The following NEURL1 variants were observed in gnomAD, a reference collection of about 807,000 sequenced individuals.
NEURL1 encodes E3 ubiquitin-protein ligase NEURL1.
NEURL1 carries 26 observed loss-of-function variants against 41.2 expected under a neutral mutation model. That is an observed-to-expected ratio of 0.63 (90% CI 0.46 to 0.87). NEURL1 has a LOEUF of 0.87. Ranked by LOEUF, NEURL1 falls within the 40% of genes least tolerant of loss-of-function variation. The pLI is 0.00. For synonymous variants in NEURL1, 400 were observed against 402.3 expected, an observed-to-expected ratio of 0.99 and a Z score of 0.07; for missense variants, 761 against 871.1, an observed-to-expected ratio of 0.87 and a Z score of 1.59.
intron 3 of NEURL1, among the ~76,000 whole-genome samples, chr10:103,574,989 A>T (rs1458595075): frequency 2.1e-5 from 3 of 145,156 alleles, no homozygotes; most frequent in South Asian, 2.2e-4. Flanking sequence ...TTCTTCCTGA[A>T]TTTTTTTTTT....
rs56098530 is a variant in NEURL1, at chr10:103,503,788, C to CTTTTTTTT, written c.85+9329_85+9336dup. Among the ~76,000 whole-genome samples the CTTTTTTTT allele has an allele frequency of 2.1e-4, 23 of 110,586 alleles. 10 individuals are homozygous for CTTTTTTTT. Among genetic ancestry groups the CTTTTTTTT allele is most frequent in the Non-Finnish European group, 3.1e-4 (18 of 57,744 alleles). The allele number at this position is 110,586 out of a possible 152,430, so 72.5% of individuals were successfully genotyped here. A position where few individuals can be genotyped will look rare whatever the true frequency, so the allele number is the denominator to read the frequency against. On this transcript the variant is annotated intron_variant, in intron 1 of 5. Coordinates refer to ENST00000369780, the MANE Select transcript of NEURL1 (RefSeq NM_004210.5). ...AGAGCTCATGCTGTGCTCCCCCTGG[C>CTTTTTTTT]TTTTTTTTTTTTTTTTTTTTGAGAC...
intron 1 of NEURL1, among the ~76,000 whole-genome samples, chr10:103,563,909 T>C (rs921330495): frequency 1.3e-5 from 2 of 152,154 alleles, no homozygotes; most frequent in African/African-American, 2.4e-5. Context: ...CAGAGTGGCA[T>C]TGGGGGCATA....
chr10:103,512,520 G>C (rs2034096492), intron 1 of NEURL1, among the ~76,000 whole-genome samples: 1 of 152,212 alleles, frequency 6.6e-6, no homozygotes, highest in Non-Finnish European at 1.5e-5. Context: ...GAACTGGCTG[G>C]GTGAGGTGGT....
rs2035160350 is a variant in NEURL1, at chr10:103,556,585, G to C, written c.86-14287G>C. On this transcript the variant is annotated intron_variant, in intron 1 of 5. Transcript: ENST00000369780. The surrounding 1 kb of genome is among the most constrained non-coding windows in gnomAD (Gnocchi z 4.4). ...TCTCCCTTCCAGGCTCTGGACTTTGGGAGAGTAATTTCTAATTAAAAAAGA... is the reference window on the plus strand; with the variant it reads ...TCTCCCTTCCAGGCTCTGGACTTTGCGAGAGTAATTTCTAATTAAAAAAGA... Among the ~76,000 whole-genome samples, 1 of 152,278 alleles carries C rather than the reference G, an allele frequency of 6.6e-6. No individual in the cohort carries two copies. The highest frequency in any genetic ancestry group is 2.1e-4 in the South Asian group (1 of 4,824).
At chr10:103,573,459 A>G (rs2035591546) in intron 3 of NEURL1, among the ~76,000 whole-genome samples, 1 of 152,126 alleles carries the variant, frequency 6.6e-6, no homozygotes, top group African/African-American at 2.4e-5. Flanking sequence ...CAGCTGATGC[A>G]CAGTAGGGGG....
chr10:103,585,304 T>C, intron 4 of NEURL1, 79 bp downstream of exon 4: 3 of 1,228,190 alleles, frequency 2.4e-6, no homozygotes, highest in Non-Finnish European at 3.3e-6. Context: ...AAGGGCGAGC[T>C]CCCCTTCCTC....
At chr10:103,549,304 C>A (rs931339785) in intron 1 of NEURL1, among the ~76,000 whole-genome samples, 4 of 152,190 alleles carry the variant, frequency 2.6e-5, no homozygotes, top group Non-Finnish European at 5.9e-5. Flanking sequence ...TCCTCCTGGG[C>A]GGCTGGCAGC....
At chr10:103,570,391 A>G (rs1172947585) in intron 1 of NEURL1, among the ~76,000 whole-genome samples, 5 of 152,204 alleles carry the variant, frequency 3.3e-5, no homozygotes, top group African/African-American at 1.2e-4. Context: ...AGCCCCGAGG[A>G]CAGGATCCAT....
chr10:103,578,418 T>G (rs2035712268), intron 3 of NEURL1, among the ~76,000 whole-genome samples: 1 of 152,184 alleles, frequency 6.6e-6, no homozygotes, highest in Admixed American at 6.5e-5. Flanking sequence ...TGGAACAAGA[T>G]CTGTGCTTCT....
At chr10:103,522,398 G>A (rs2034370431) in intron 1 of NEURL1, among the ~76,000 whole-genome samples, 4 of 151,692 alleles carry the variant, frequency 2.6e-5, no homozygotes, top group African/African-American at 9.7e-5. Flanking sequence ...ACCTGAGGTT[G>A]GGAGTTCGAG....
rs772791675 is a variant in NEURL1, at chr10:103,584,977, C to A, written c.1091C>A (p.Thr364Lys). 3 of 1,531,850 alleles carry A rather than the reference C, an allele frequency of 2.0e-6. No homozygotes were observed. The highest frequency in any genetic ancestry group is 2.0e-5 in the Admixed American group (1 of 50,944). 94.9% of individuals were successfully genotyped at this position (1,531,850 alleles called of 1,614,324 possible). The change falls in exon 4 of 6, where the codon ACG (threonine) becomes AAG (lysine). Residue 364 changes from threonine (T) to lysine (K), a missense_variant. By Grantham distance (78) the Thr-to-Lys change is moderately conservative. Transcript: ENST00000369780. Reference protein sequence around the residue: ...SFGVTTCDPGTLRPADLPFSP... With the variant: ...SFGVTTCDPGKLRPADLPFSP... ...GGCGTCACCACGTGCGACCCCGGCA[C>A]GCTGCGGCCGGCCGACCTGCCTTTC...
At chr10:103,561,349 C>T (rs967862594) in intron 1 of NEURL1, among the ~76,000 whole-genome samples, 2 of 151,918 alleles carry the variant, frequency 1.3e-5, no homozygotes, top group African/African-American at 2.4e-5. Context: ...GCAACCTCCA[C>T]CTCCTGGATT....
intron 1 of NEURL1, among the ~76,000 whole-genome samples, chr10:103,565,417 G>A (rs951850676): frequency 6.6e-6 from 1 of 152,200 alleles, no homozygotes; most frequent in East Asian, 1.9e-4. Context: ...CAGCTATGAA[G>A]TGCTCTCTCT....
intron 3 of NEURL1, among the ~76,000 whole-genome samples, chr10:103,579,695 A>G (rs2035744768): frequency 6.6e-6 from 1 of 152,148 alleles, no homozygotes; most frequent in Non-Finnish European, 1.5e-5. Context: ...TAATCTCAGC[A>G]CTTTGGGAGG....
At chr10:103,559,111 C>T (rs2035226114) in intron 1 of NEURL1, among the ~76,000 whole-genome samples, 1 of 152,152 alleles carries the variant, frequency 6.6e-6, no homozygotes, top group Non-Finnish European at 1.5e-5. Context: ...CAGCCGGTCC[C>T]CCACTTACCG....
chr10:103,537,122 A>T (rs2034709115), intron 1 of NEURL1, among the ~76,000 whole-genome samples: 1 of 152,222 alleles, frequency 6.6e-6, no homozygotes, highest in South Asian at 2.1e-4. Flanking sequence ...GTTGAATTAT[A>T]TTCCATTGTA....
intron 1 of NEURL1, among the ~76,000 whole-genome samples, chr10:103,539,225 C>G (rs2034767137): frequency 1.3e-5 from 2 of 152,190 alleles, no homozygotes; most frequent in Non-Finnish European, 2.9e-5. Context: ...GGGATTAAGG[C>G]ATGAGCCACT....
intron 1 of NEURL1, among the ~76,000 whole-genome samples, chr10:103,523,287 C>G (rs554495375): frequency 6.6e-6 from 1 of 151,866 alleles, no homozygotes; most frequent in South Asian, 2.1e-4. Context: ...AGACCCCCAT[C>G]TTTACAAAAA....
In NEURL1 at chr10:103,516,177, G is replaced by A. The variant is rs190789132; in HGVS notation, c.85+21705G>A. 2.8e-3 allele frequency among the ~76,000 whole-genome samples: 401 copies of A among 140,766 alleles called. 1 individual carries two copies. Among genetic ancestry groups the A allele is most frequent in the African/African-American group, 0.01 (388 of 37,342 alleles). 92.3% of individuals were successfully genotyped at this position (140,766 alleles called of 152,430 possible). On this transcript the variant is annotated intron_variant, in intron 1 of 5. Transcript: ENST00000369780. ...TGGGAGGTGAAGGTTGCAGTGAGCT[G>A]AGACTGCACGACTGCACTCCAGCCT...
Sources: gnomAD v4.1 joint callset for allele counts (sites outside exome capture counted in the v4.1 genomes callset) on GRCh38, gnomAD v4.1.1 for gene constraint, Gnocchi (gnomAD v3.1) non-coding constraint, MANE v1.5 for transcripts, NCBI Gene and HGNC (gene_info 2026-07-23, HGNC 2026-07-21) for gene names.